DOCK3: variants seen among roughly 807,000 people sequenced by gnomAD.
DOCK3 encodes the protein dedicator of cytokinesis 3, also known as dedicator of cytokinesis protein 3.
In DOCK3, 60 loss-of-function variants were observed where a neutral mutation model predicts 265.6. The observed-to-expected ratio is 0.23, with a 90% confidence interval of 0.18 to 0.28. The LOEUF (loss-of-function observed/expected upper bound fraction) is 0.28, where lower values mean the gene tolerates loss of function less well. Ranked by LOEUF, DOCK3 falls within the 10% of genes least tolerant of loss-of-function variation. DOCK3 has a pLI of 1.00. For missense variants in DOCK3, 1,981 were observed against 2,594.3 expected (o/e 0.76, Z 5.14); for synonymous variants, 881 against 938.0 (o/e 0.94, Z 1.11).
At chr3:51,020,739 T>TA (rs2079549450) in intron 5 of DOCK3, among the ~76,000 whole-genome samples, 1 of 151,990 alleles carries the variant, frequency 6.6e-6, no homozygotes, top group South Asian at 2.1e-4. Context: ...TCTTTCCTGT[T>TA]ACTTGTTTTT....
At chr3:51,055,784 T>G (rs565584655) in intron 5 of DOCK3, among the ~76,000 whole-genome samples, 14 of 152,336 alleles carry the variant, frequency 9.2e-5, no homozygotes, top group East Asian at 5.8e-4. Context: ...ACCTTTGGTG[T>G]TGTTCCTTTC....
intron 9 of DOCK3, among the ~76,000 whole-genome samples, chr3:51,102,174 T>C (rs2083114225): frequency 6.6e-6 from 1 of 152,224 alleles, no homozygotes; most frequent in Non-Finnish European, 1.5e-5. Flanking sequence ...AGACTTCTAG[T>C]GACCGGAGGT....
chr3:50,940,538 A>G (rs762453491), intron 5 of DOCK3, among the ~76,000 whole-genome samples: 3 of 152,224 alleles, frequency 2.0e-5, no homozygotes, highest in African/African-American at 4.8e-5. Flanking sequence ...AGATATAGAC[A>G]AGCTGATTCT....
At chr3:51,375,671 C>G (rs1204766303) in intron 50 of DOCK3, 77 bp from the exon 51 acceptor site, 125 of 1,516,956 alleles carry the variant, frequency 8.2e-5, no homozygotes, top group Non-Finnish European at 9.5e-5. Flanking sequence ...TGTCCTGTCT[C>G]TCGTCGCCCA....
Position 50,877,582 on chromosome 3 carries a change from A to G in DOCK3, c.163-12444A>G, listed in dbSNP as rs2047770774. On this transcript the variant is annotated intron_variant, in intron 3 of 52. Coordinates refer to ENST00000266037, the MANE Select transcript of DOCK3 (RefSeq NM_004947.5). ...AATGGTCAAGCGAGGATTCAGCTTG[A>G]TGGCATCTCTGAACAAGACAGTGGC... 7.7e-5 allele frequency: 40 copies of G among 518,698 alleles called. 1 individual carries two copies. Among genetic ancestry groups the G allele is most frequent in the South Asian group, 4.9e-4 (35 of 71,382 alleles). 32.1% of individuals were successfully genotyped at this position (518,698 alleles called of 1,614,324 possible). A position where few individuals can be genotyped will look rare whatever the true frequency, so the allele number is the denominator to read the frequency against.
intron 10 of DOCK3, among the ~76,000 whole-genome samples, chr3:51,147,174 C>T (rs1386697243): frequency 6.6e-6 from 1 of 151,968 alleles, no homozygotes; most frequent in Admixed American, 6.6e-5. Context: ...TTATCCAAGG[C>T]CACTGGGAAT....
intron 3 of DOCK3, among the ~76,000 whole-genome samples, chr3:50,854,373 T>G (rs2046477113): frequency 6.6e-6 from 1 of 151,766 alleles, no homozygotes; most frequent in Admixed American, 6.6e-5. Flanking sequence ...TTATAATTAC[T>G]CGCCTAGGCT....
At chr3:51,003,321 A>G (rs1425117892) in intron 5 of DOCK3, among the ~76,000 whole-genome samples, 4 of 152,198 alleles carry the variant, frequency 2.6e-5, no homozygotes, top group African/African-American at 9.6e-5. Flanking sequence ...TGGGAATGGA[A>G]GCAGAGAGCC....
At chr3:51,268,076 C>T (rs551953546) in intron 23 of DOCK3, among the ~76,000 whole-genome samples, 41 of 152,248 alleles carry the variant, frequency 2.7e-4, no homozygotes, top group Admixed American at 1.3e-3. Flanking sequence ...ACCACCATGG[C>T]ACGTGTATAC....
rs937639806 is a variant in DOCK3 at position 51,330,244 on chromosome 3, G to A, written c.3488+21G>A. The A allele has an allele frequency of 3.8e-6, 6 of 1,572,374 alleles. No homozygotes were observed. The Admixed American group carries it at 5.6e-5, about 15-fold the overall frequency. On this transcript the variant is annotated intron_variant, in intron 33 of 52. Transcript: ENST00000266037. ...CTACTGTAAGCTGCTCCAGCCCCAG[G>A]CACACCACACTGGGGGATGGGATGA...
intron 2 of DOCK3, chr3:50,787,756 T>C (rs1380339088): frequency 4.3e-6 from 5 of 1,166,438 alleles, no homozygotes; most frequent in East Asian, 2.5e-5. Context: ...TATCTTCTCC[T>C]TTTTCTTCTG....
intron 5 of DOCK3, among the ~76,000 whole-genome samples, chr3:50,991,366 G>A (rs1345110125): frequency 1.3e-5 from 2 of 152,152 alleles, no homozygotes; most frequent in Non-Finnish European, 2.9e-5. Flanking sequence ...CAAACATAGT[G>A]ACACTCATAG....
At chr3:50,822,495 C>T (rs964764653) in intron 2 of DOCK3, among the ~76,000 whole-genome samples, 5 of 151,774 alleles carry the variant, frequency 3.3e-5, no homozygotes, top group Non-Finnish European at 7.4e-5. Flanking sequence ...ATTTCTAGCT[C>T]GGATACTTTT....
intron 1 of DOCK3, among the ~76,000 whole-genome samples, chr3:50,755,484 A>G (rs1311864564): frequency 6.6e-6 from 1 of 152,206 alleles, no homozygotes; most frequent in Non-Finnish European, 1.5e-5. Context: ...TTTGAGTATA[A>G]CTGAACAGTA....
chr3:50,918,696 C>G (rs2050267510), intron 4 of DOCK3, among the ~76,000 whole-genome samples: 1 of 152,122 alleles, frequency 6.6e-6, no homozygotes, highest in African/African-American at 2.4e-5. Flanking sequence ...GAAATTTTCT[C>G]CCATTCTGTA....
intron 51 of DOCK3, 63 bp from the exon 52 acceptor site, chr3:51,380,062 T>C: frequency 6.6e-7 from 1 of 1,508,656 alleles, no homozygotes; most frequent in Non-Finnish European, 9.1e-7. Flanking sequence ...CCCAGCAAGA[T>C]GGTGCTGGCA....
At chr3:50,812,942 A>G (rs897276292) in intron 2 of DOCK3, among the ~76,000 whole-genome samples, 4 of 152,230 alleles carry the variant, frequency 2.6e-5, no homozygotes, top group Non-Finnish European at 5.9e-5. Context: ...TGCATGTAGC[A>G]TCATTAAGTG....
intron 27 of DOCK3, among the ~76,000 whole-genome samples, chr3:51,281,381 A>G (rs2081110002): frequency 1.3e-5 from 2 of 150,972 alleles, no homozygotes; most frequent in South Asian, 2.1e-4. Flanking sequence ...CATATGGCCC[A>G]TGGGCCGTGG....
intron 1 of DOCK3, among the ~76,000 whole-genome samples, chr3:50,733,326 A>G (rs189843149): frequency 1.3e-5 from 2 of 152,266 alleles, no homozygotes; most frequent in African/African-American, 2.4e-5. Flanking sequence ...GTGGTGTATT[A>G]AAGTTCTCTA....
Sources: allele counts gnomAD v4.1 joint callset (sites outside exome capture counted in the v4.1 genomes callset), GRCh38; gene constraint gnomAD v4.1.1; transcripts MANE v1.5; gene names NCBI Gene and HGNC (gene_info 2026-07-23, HGNC 2026-07-21).